Variants in TRAP1 observed in about 807,000 individuals in gnomAD.
TRAP1 encodes the protein TNF receptor associated protein 1.
In TRAP1, 102 loss-of-function variants were observed where a neutral mutation model predicts 89.1. The observed-to-expected ratio is 1.15, with a 90% CI of 0.98 to 1.35. The LOEUF (loss-of-function observed/expected upper bound fraction) is 1.35, where lower values mean the gene tolerates loss of function less well. TRAP1 is among the 40% of genes most tolerant of loss of function. The probability of loss-of-function intolerance (pLI) is 0.00; values close to 1 mark genes in which losing one functional copy is unlikely to be tolerated. For synonymous variants in TRAP1, 508 were observed against 388.0 expected (o/e 1.31, Z -3.64); for missense variants, 1,256 against 945.3 (o/e 1.33, Z -4.31).
In TRAP1 at chr16:3,664,042, G is replaced by A. The variant is rs185883165; in HGVS notation, c.1569+232C>T. 2.5e-3 allele frequency: 1,208 copies of A among 480,074 alleles called. 2 individuals carry two copies. Among genetic ancestry groups the A allele is most frequent in the Middle Eastern group, 4.5e-3 (8 of 1,776 alleles). The allele number at this position is 480,074 out of a possible 1,614,324, so 29.7% of individuals were successfully genotyped here. A position where few individuals can be genotyped will look rare whatever the true frequency, so the allele number is the denominator to read the frequency against. On this transcript the variant is annotated intron_variant, in intron 13 of 17. Coordinates refer to ENST00000246957, the MANE Select transcript of TRAP1 (RefSeq NM_016292.3). The stretch of plus-strand genomic sequence containing the variant: ...CGCACCACTGCACTCTAGCCTGGGC[G>A]AGAGAGCAAGACTCCATCTCAAAAA...
chr16:3,696,887 C>T (rs951283742), intron 1 of TRAP1, among the ~76,000 whole-genome samples: 4 of 151,982 alleles, frequency 2.6e-5, no homozygotes, highest in African/African-American at 7.2e-5. Context: ...CCACCATACC[C>T]GGCTAATTTT....
chr16:3,683,803 A>C (rs2051103768), intron 4 of TRAP1, among the ~76,000 whole-genome samples: 1 of 152,058 alleles, frequency 6.6e-6, no homozygotes, highest in African/African-American at 2.4e-5. Context: ...AAAAAAAAAA[A>C]ACTATAGATT....
At chr16:3,691,022 G>T (rs1056968755) in intron 1 of TRAP1, 37 bp from the exon 2 acceptor site, 1 of 1,424,810 alleles carries the variant, frequency 7.0e-7, no homozygotes, top group African/African-American at 1.5e-5. Flanking sequence ...TGAGAATTAG[G>T]AAGACACGAG....
chr16:3,708,990 T>A (rs2051489436), intron 1 of TRAP1, among the ~76,000 whole-genome samples: 1 of 151,736 alleles, frequency 6.6e-6, no homozygotes, highest in Admixed American at 6.6e-5. Flanking sequence ...TAATTTTTTG[T>A]ATTTTTAGTA....
chr16:3,694,760 G>A (rs975108420), intron 1 of TRAP1, among the ~76,000 whole-genome samples: 1 of 152,176 alleles, frequency 6.6e-6, no homozygotes, highest in African/African-American at 2.4e-5. Flanking sequence ...TGACAGGTAT[G>A]AGCCACTGTA....
At chr16:3,667,088 G>T (rs1357483862) in intron 11 of TRAP1, among the ~76,000 whole-genome samples, 2 of 152,142 alleles carry the variant, frequency 1.3e-5, no homozygotes, top group Non-Finnish European at 2.9e-5. Flanking sequence ...GGAGCGGGGG[G>T]ACAGTAGCCC....
Position 3,672,737 on chromosome 16 carries a change from G to C in TRAP1, c.1128C>G (p.Ala376=), listed in dbSNP as rs1172007942. 4.3e-6 allele frequency: 7 copies of C among 1,610,826 alleles called. No individual in the cohort carries two copies. Among genetic ancestry groups the C allele is most frequent in the African/African-American group, 1.3e-5 (1 of 75,006 alleles). The change falls in exon 10 of 18, where the codon GCC becomes GCG. Residue 376 remains alanine, a synonymous_variant. Transcript: ENST00000246957. ...YSRKVLIQTK[A]TDILPKWLRF... Reference sequence around the variant, plus strand: ...GCAGCCACTTGGGCAGGATGTCCGTGGCCTTGGTCTGGATGAGGACTTTGC... The same window carrying C: ...GCAGCCACTTGGGCAGGATGTCCGTCGCCTTGGTCTGGATGAGGACTTTGC...
At chr16:3,695,524 A>C (rs2051274351) in intron 1 of TRAP1, among the ~76,000 whole-genome samples, 3 of 148,690 alleles carry the variant, frequency 2.0e-5, no homozygotes, top group African/African-American at 7.5e-5. Flanking sequence ...CGACAGAGTG[A>C]GACTCTGTCT....
intron 1 of TRAP1, among the ~76,000 whole-genome samples, chr16:3,706,000 T>C (rs1410239230): frequency 1.1e-4 from 17 of 149,664 alleles, no homozygotes; most frequent in Non-Finnish European, 4.4e-5. Context: ...GCCCTTTTTT[T>C]CTTTTTTTTT....
intron 12 of TRAP1, chr16:3,665,023 GAA>G (rs1028356794): frequency 6.5e-6 from 1 of 153,946 alleles, no homozygotes; most frequent in Non-Finnish European, 1.4e-5. Flanking sequence ...CAGAAAGAGG[GAA>G]AAGCAAGGAG....
intron 1 of TRAP1, among the ~76,000 whole-genome samples, chr16:3,692,496 G>A (rs865944015): frequency 4.9e-4 from 73 of 148,638 alleles, no homozygotes; most frequent in African/African-American, 1.7e-3. Flanking sequence ...AGATCGTGCC[G>A]CTGCACTACA....
intron 1 of TRAP1, among the ~76,000 whole-genome samples, chr16:3,708,817 ATTT>A (rs530522079): frequency 2.9e-5 from 4 of 136,068 alleles, no homozygotes; most frequent in Admixed American, 7.4e-5. Context: ...CTCTGTCTCA[ATTT>A]TTTTTTTTTT....
chr16:3,658,411 CGCCTGGCCATTTTT>C lies in TRAP1; in HGVS notation c.2014-195_2014-182del, dbSNP rs1054751765. 5 of 617,462 alleles carry C rather than the reference CGCCTGGCCATTTTT, an allele frequency of 8.1e-6. No homozygotes were observed. In the African/African-American group the frequency reaches 9.3e-5, roughly 11 times the overall value. 38.2% of individuals were successfully genotyped at this position (617,462 alleles called of 1,614,324 possible). On this transcript the variant is annotated intron_variant, in intron 17 of 17. Coordinates refer to ENST00000246957, the MANE Select transcript of TRAP1 (RefSeq NM_016292.3). ...CTGGGATTACAGGCGTGAGCCACCA[CGCCTGGCCATTTTT>C]CCGTTTTTAAAACAGAATTTGGCTG...
chr16:3,674,253 T>G, intron 9 of TRAP1, 86 bp downstream of exon 9: 1 of 1,534,276 alleles, frequency 6.5e-7, no homozygotes, highest in Non-Finnish European at 8.9e-7. Context: ...CACACTGCCA[T>G]GTTAATCATG....
At chr16:3,698,595 C>T (rs931386529) in intron 1 of TRAP1, among the ~76,000 whole-genome samples, 1 of 152,040 alleles carries the variant, frequency 6.6e-6, no homozygotes. Flanking sequence ...AGCCACCGCG[C>T]CCGGCTTCTA....
Position 3,677,927 on chromosome 16 carries a change from G to A in TRAP1, c.544-269C>T, listed in dbSNP as rs2051021209. On this transcript the variant is annotated intron_variant, in intron 5 of 17. Coordinates refer to ENST00000246957, the MANE Select transcript of TRAP1 (RefSeq NM_016292.3). Reference sequence around the variant, plus strand: ...GTCCTGCCTGTCCCAGACAGGTGGAGGCCTGTGGGTCACACCTGGGGGTGG... The same window carrying A: ...GTCCTGCCTGTCCCAGACAGGTGGAAGCCTGTGGGTCACACCTGGGGGTGG... 1.4e-5 allele frequency: 6 copies of A among 419,982 alleles called. No homozygotes were observed. In the East Asian group the frequency reaches 3.0e-4, roughly 21 times the overall value. The allele number at this position is 419,982 out of a possible 1,614,324, so 26.0% of individuals were successfully genotyped here.
At chr16:3,675,441 G>A in intron 7 of TRAP1, 44 bp from the exon 8 acceptor site, 1 of 1,598,870 alleles carries the variant, frequency 6.3e-7, no homozygotes, top group Non-Finnish European at 8.6e-7. Flanking sequence ...TACAATGCTT[G>A]TGGAAACGCA....
chr16:3,716,813 G>T (rs2051603292), intron 1 of TRAP1, among the ~76,000 whole-genome samples: 1 of 152,150 alleles, frequency 6.6e-6, no homozygotes, highest in African/African-American at 2.4e-5. Flanking sequence ...CAGGCCCCGA[G>T]GACACAGCTG....
In TRAP1 at chr16:3,703,043, GAAAAAAA is replaced by G. The variant is rs36093237; in HGVS notation, c.89-12065_89-12059del. Among the ~76,000 whole-genome samples, 125 of 43,506 alleles carry G rather than the reference GAAAAAAA, an allele frequency of 2.9e-3. 2 individuals are homozygous for G. Among genetic ancestry groups the G allele is most frequent in the African/African-American group, 8.8e-3 (96 of 10,940 alleles). The allele number at this position is 43,506 out of a possible 152,430, so 28.5% of individuals were successfully genotyped here. A position where few individuals can be genotyped will look rare whatever the true frequency, so the allele number is the denominator to read the frequency against. On this transcript the variant is annotated intron_variant, in intron 1 of 17. Coordinates refer to ENST00000246957, the MANE Select transcript of TRAP1 (RefSeq NM_016292.3). ...GAGAACAAGAGTGAAACTCCGTCTT[GAAAAAAA>G]AAAAAAAAAAAAAAAAGCATTCAGT... is the stretch of plus-strand genomic sequence containing the variant.
Sources: allele counts gnomAD v4.1 joint callset (sites outside exome capture counted in the v4.1 genomes callset), GRCh38; gene constraint gnomAD v4.1.1; transcripts MANE v1.5; gene names NCBI Gene and HGNC (gene_info 2026-07-23, HGNC 2026-07-21).